FRMPD4: variants seen among roughly 807,000 people sequenced by gnomAD.
The protein encoded by FRMPD4 is FERM and PDZ domain-containing protein 4.
FRMPD4 carries 22 observed loss-of-function variants against 94.1 expected under a neutral mutation model. The ratio of observed to expected loss-of-function variants is 0.23; its 90% CI spans 0.17 to 0.33. FRMPD4 has a LOEUF of 0.33. Ranked by LOEUF, FRMPD4 falls within the 10% of genes least tolerant of loss-of-function variation. The pLI is 1.00. For synonymous variants in FRMPD4, 631 were observed against 548.6 expected (o/e 1.15, Z -2.10); for missense variants, 1,111 against 1,339.9 (o/e 0.83, Z 2.67).
At chrX:12,091,386 C>T (rs1221921313) in intron 3 of FRMPD4, among the ~76,000 whole-genome samples, 2 of 112,154 alleles carry the variant, frequency 1.8e-5, no homozygotes, top group Non-Finnish European at 3.8e-5. Context: ...AACTTCTCAA[C>T]TCTGCCACTG....
chrX:12,323,586 C>T (rs956933626), intron 1 of FRMPD4, among the ~76,000 whole-genome samples: 2 of 111,432 alleles, frequency 1.8e-5, no homozygotes, highest in African/African-American at 6.6e-5. Context: ...ACTTCTCAAC[C>T]AGGCCCAACA....
At chrX:12,228,297 C>G (rs1476406153) in intron 1 of FRMPD4, among the ~76,000 whole-genome samples, 1 of 112,366 alleles carries the variant, frequency 8.9e-6, no homozygotes, top group East Asian at 2.8e-4. Context: ...ATATAGAATC[C>G]TACTTTTGTA....
intron 4 of FRMPD4, among the ~76,000 whole-genome samples, chrX:12,657,077 A>G (rs2059664936): frequency 1.0e-5 from 1 of 95,335 alleles, no homozygotes; most frequent in African/African-American, 4.1e-5. Flanking sequence ...CAAGAACAAA[A>G]CTCCTTCTAA....
At chrX:12,330,028 A>G (rs2055348258) in intron 1 of FRMPD4, among the ~76,000 whole-genome samples, 1 of 111,328 alleles carries the variant, frequency 9.0e-6, no homozygotes, top group Non-Finnish European at 1.9e-5. Flanking sequence ...TAAAATGAGG[A>G]TAATTATACA....
chrX:12,330,868 CTG>C (rs2055359956), intron 1 of FRMPD4, among the ~76,000 whole-genome samples: 2 of 112,014 alleles, frequency 1.8e-5, no homozygotes. Flanking sequence ...GGGCTAGACA[CTG>C]AGTGAATGTG....
chrX:12,443,979 T>C (rs1315552049), intron 1 of FRMPD4, among the ~76,000 whole-genome samples: 1 of 111,457 alleles, frequency 9.0e-6, no homozygotes, highest in Admixed American at 9.6e-5. Context: ...TTCTAACTTA[T>C]CTTGAAAGTC....
Position 11,881,243 on chromosome X carries a change from G to GT in FRMPD4, c.95+3228dup, listed in dbSNP as rs763550391. 8.4e-3 allele frequency among the ~76,000 whole-genome samples: 947 copies of GT among 112,121 alleles called. 4 individuals carry two copies. The highest frequency in any genetic ancestry group is 0.014 in the Non-Finnish European group (762 of 53,228). On this transcript the variant is annotated intron_variant, in intron 3 of 18. Coordinates refer to the FRMPD4 transcript ENST00000640291. ...CAGTCACTTTGGAGACAGTTTGGCAGTTTCTCATAAAGCTAAAAATACATC... is the reference window on the plus strand; with the variant it reads ...CAGTCACTTTGGAGACAGTTTGGCAGTTTTCTCATAAAGCTAAAAATACATC...
At chrX:12,169,990 C>G (rs1349472068) in intron 1 of FRMPD4, among the ~76,000 whole-genome samples, 1 of 111,732 alleles carries the variant, frequency 8.9e-6, no homozygotes, top group East Asian at 2.8e-4. Context: ...AGTGATAAAC[C>G]ATTTCAGATT....
chrX:12,248,552 G>A (rs1428105357), intron 1 of FRMPD4, among the ~76,000 whole-genome samples: 2 of 112,240 alleles, frequency 1.8e-5, no homozygotes, highest in East Asian at 5.6e-4. Flanking sequence ...TAAGGGTCAT[G>A]TATAGTCTAT....
At chrX:11,952,593 A>G (rs2054230594) in intron 3 of FRMPD4, among the ~76,000 whole-genome samples, 1 of 112,047 alleles carries the variant, frequency 8.9e-6, no homozygotes, top group Admixed American at 9.5e-5. Context: ...CAGTTAACTC[A>G]GTTTTTTGCC....
intron 1 of FRMPD4, among the ~76,000 whole-genome samples, chrX:12,145,801 C>A (rs941207070): frequency 9.0e-6 from 1 of 111,531 alleles, no homozygotes; most frequent in African/African-American, 3.3e-5. Flanking sequence ...CCCTTTGGGG[C>A]AGTCTGGGTG....
chrX:12,328,714 G>C (rs753207627), intron 1 of FRMPD4, among the ~76,000 whole-genome samples: 8 of 112,051 alleles, frequency 7.1e-5, no homozygotes, highest in African/African-American at 2.3e-4. Context: ...GCAGGCTACA[G>C]AATTCAGAAT....
At chrX:12,182,839 G>A (rs1265897060) in intron 1 of FRMPD4, among the ~76,000 whole-genome samples, 1 of 111,241 alleles carries the variant, frequency 9.0e-6, no homozygotes, top group Non-Finnish European at 1.9e-5. Context: ...TGACACTTTC[G>A]TGGAAATGAA....
Position 11,995,044 on chromosome X carries a change from T to A in FRMPD4, c.95+117026T>A, listed in dbSNP as rs1478779388. Among the ~76,000 whole-genome samples the A allele has an allele frequency of 1.4e-4, 15 of 109,548 alleles. No homozygotes were observed. The Admixed American group carries it at 1.5e-3, about 11-fold the overall frequency. ...TTTCCACTTAAGGCTCTAAAATACT[T>A]GCAACACTTCTCTTTTTTTTCTATC... On this transcript the variant is annotated intron_variant, in intron 3 of 18. Transcript: ENST00000640291.
chrX:12,022,891 C>T (rs2054639386), intron 3 of FRMPD4, among the ~76,000 whole-genome samples: 2 of 111,347 alleles, frequency 1.8e-5, no homozygotes, highest in East Asian at 2.8e-4. Flanking sequence ...CTACCACACT[C>T]AGTCTTGCTG....
chrX:12,255,100 G>C (rs775449505), intron 1 of FRMPD4, among the ~76,000 whole-genome samples: 1 of 111,428 alleles, frequency 9.0e-6, no homozygotes, highest in African/African-American at 3.3e-5. Flanking sequence ...TAATTTTCCC[G>C]TAAATAAAAT....
At chrX:11,955,016 C>CA (rs1294757987) in intron 3 of FRMPD4, among the ~76,000 whole-genome samples, 2 of 111,434 alleles carry the variant, frequency 1.8e-5, no homozygotes, top group African/African-American at 6.5e-5. Context: ...TCTCACAGTA[C>CA]TGGAGACTGA....
chrX:12,324,614 T>G (rs142053379), intron 1 of FRMPD4, among the ~76,000 whole-genome samples: 78 of 112,270 alleles, frequency 6.9e-4, no homozygotes, highest in Middle Eastern at 4.6e-3. Flanking sequence ...CTGATTTTCT[T>G]GTTATTTTGG....
chrX:12,339,630 T>C (rs750217321), intron 1 of FRMPD4, among the ~76,000 whole-genome samples: 126 of 110,809 alleles, frequency 1.1e-3, no homozygotes, highest in African/African-American at 3.9e-3. Context: ...TTTTTTTTTT[T>C]TTTTGAGATG....
Sources: gnomAD v4.1 joint callset for allele counts (sites outside exome capture counted in the v4.1 genomes callset) on GRCh38, gnomAD v4.1.1 for gene constraint, MANE v1.5 for transcripts, NCBI Gene and HGNC (gene_info 2026-07-23, HGNC 2026-07-21) for gene names.